The following SPATS2L variants were observed in gnomAD, a reference collection of about 807,000 sequenced individuals.
SPATS2L encodes spermatogenesis associated serine rich 2 like, also known as SPATS2-like protein.
A neutral mutation model predicts 59.6 loss-of-function variants in SPATS2L; 30 were observed. The ratio of observed to expected loss-of-function variants is 0.50; its 90% CI spans 0.38 to 0.68. The LOEUF (loss-of-function observed/expected upper bound fraction) is 0.68. Ranked by LOEUF, SPATS2L falls within the 30% of genes least tolerant of loss-of-function variation. SPATS2L has a pLI of 0.00. For synonymous variants in SPATS2L, 252 were observed against 263.5 expected (o/e 0.96, Z 0.42); for missense variants, 615 against 700.0 (o/e 0.88, Z 1.37).
chr2:200,360,631 G>C (rs921086894), intron 2 of SPATS2L, among the ~76,000 whole-genome samples: 1 of 152,178 alleles, frequency 6.6e-6, no homozygotes, highest in Non-Finnish European at 1.5e-5. Flanking sequence ...CTCCTCCTTG[G>C]GGGAGGGGAA....
chr2:200,389,131 G>A (rs547803974), intron 2 of SPATS2L, 92 bp from the exon 3 acceptor site: 49 of 737,814 alleles, frequency 6.6e-5, no homozygotes, highest in South Asian at 4.9e-4. Context: ...GATTATGACC[G>A]AATGAAGTTG....
chr2:200,440,513 A>G, intron 7 of SPATS2L, 136 bp from the exon 8 acceptor site: 1 of 842,484 alleles, frequency 1.2e-6, no homozygotes, highest in East Asian at 2.7e-5. Flanking sequence ...GGTTACAAAC[A>G]TTCTCCTGAT....
chr2:200,432,237 G>C (rs1226216639), intron 6 of SPATS2L, among the ~76,000 whole-genome samples: 1 of 152,216 alleles, frequency 6.6e-6, no homozygotes, highest in African/African-American at 2.4e-5. Context: ...CTGCAGCATA[G>C]AATACAGAGG....
At chr2:200,436,492 TA>T (rs1030034424) in intron 6 of SPATS2L, among the ~76,000 whole-genome samples, 8 of 152,002 alleles carry the variant, frequency 5.3e-5, no homozygotes, top group African/African-American at 1.7e-4. Flanking sequence ...TTTGAGGACC[TA>T]AAAAAAATCT....
intron 1 of SPATS2L, among the ~76,000 whole-genome samples, chr2:200,322,285 T>G (rs745752796): frequency 1.3e-5 from 2 of 152,238 alleles, no homozygotes; most frequent in Non-Finnish European, 2.9e-5. Flanking sequence ...TTGTACGGAC[T>G]AAGCCAGAAT....
chr2:200,424,934 T>C (rs2106029953), intron 6 of SPATS2L, among the ~76,000 whole-genome samples: 1 of 152,330 alleles, frequency 6.6e-6, no homozygotes, highest in African/African-American at 2.4e-5. Context: ...ATGCCATGCT[T>C]GCTGACCTTC....
chr2:200,445,233 A>G (rs2084954597), intron 8 of SPATS2L, among the ~76,000 whole-genome samples: 1 of 152,052 alleles, frequency 6.6e-6, no homozygotes, highest in Non-Finnish European at 1.5e-5. Flanking sequence ...GGATCACTGG[A>G]GTCTAGGAAG....
At chr2:200,316,559 C>T (rs993748128) in intron 1 of SPATS2L, among the ~76,000 whole-genome samples, 2 of 152,226 alleles carry the variant, frequency 1.3e-5, no homozygotes, top group Non-Finnish European at 2.9e-5. Context: ...ACCAACCATG[C>T]AGTTTGCCTT....
At position 200,459,761 on chromosome 2, in the gene SPATS2L, T is replaced by C; in HGVS notation, c.789-8T>C. On this transcript the variant is annotated splice_region_variant and splice_polypyrimidine_tract_variant and intron_variant, in intron 8 of 12. Coordinates refer to ENST00000409140, the MANE Select transcript of SPATS2L (RefSeq NM_001100423.2). ...TTTGCTTTTGTTTTTGTTTTTGTTT[T>C]TCCCCAGCATCATTGACAAAGAAGT... 1 of 1,609,658 alleles carries C rather than the reference T, an allele frequency of 6.2e-7. No homozygotes were observed. Among genetic ancestry groups the C allele is most frequent in the Non-Finnish European group, 8.5e-7 (1 of 1,177,858 alleles).
At chr2:200,359,976 A>G (rs538601683) in intron 2 of SPATS2L, among the ~76,000 whole-genome samples, 314 of 152,334 alleles carry the variant, frequency 2.1e-3, no homozygotes, top group Middle Eastern at 3.4e-3. Context: ...GGGTGTAAGA[A>G]TATATTGGAG....
intron 2 of SPATS2L, chr2:200,351,404 A>G (rs989144965): frequency 7.0e-6 from 3 of 431,584 alleles, no homozygotes; most frequent in African/African-American, 4.1e-5. Flanking sequence ...TGAAGTTGAG[A>G]TACTTTTCAA....
At chr2:200,415,736 G>A (rs2083032352) in intron 4 of SPATS2L, among the ~76,000 whole-genome samples, 1 of 152,064 alleles carries the variant, frequency 6.6e-6, no homozygotes. Flanking sequence ...CTCTGAGTCA[G>A]TGCAGTTCTA....
intron 4 of SPATS2L, 112 bp downstream of exon 4, chr2:200,412,531 T>C (rs2082913191): frequency 3.7e-6 from 2 of 533,614 alleles, no homozygotes; most frequent in Non-Finnish European, 6.3e-6. Context: ...ACTTTAGGTC[T>C]CATAGAAATG....
At chr2:200,401,925 C>G (rs1290458759) in intron 3 of SPATS2L, among the ~76,000 whole-genome samples, 3 of 152,182 alleles carry the variant, frequency 2.0e-5, no homozygotes, top group African/African-American at 7.2e-5. Flanking sequence ...ATGGATGTCT[C>G]ACAGGCTCCC....
At chr2:200,330,365 T>G (rs776642053) in intron 2 of SPATS2L, among the ~76,000 whole-genome samples, 2 of 152,220 alleles carry the variant, frequency 1.3e-5, no homozygotes, top group African/African-American at 4.8e-5. Flanking sequence ...ACTTTTGTGG[T>G]AAGATGATTG....
At position 200,403,881 on chromosome 2, in the gene SPATS2L, T is replaced by C. The variant is rs553853823; in HGVS notation, c.40-8430T>C. On this transcript the variant is annotated intron_variant, in intron 3 of 12. Transcript: ENST00000409140. ...ATTTCCATAAGGGCAGCTCTAAACC[T>C]TTCTCCACTTTTTAAGCCCCAAAGC... is the stretch of plus-strand genomic sequence containing the variant. Among the ~76,000 whole-genome samples the C allele has an allele frequency of 4.6e-5, 7 of 152,286 alleles. No individual in the cohort carries two copies. In the South Asian group the frequency reaches 1.5e-3, roughly 32 times the overall value.
rs1449589938 is a variant in SPATS2L at position 200,329,614 on chromosome 2, C to A, written c.-23+134C>A. ...CTCTGCTGCCTCTCAGGGCTCAACACCAGAGTTCTCTTTTAGAGTGTGTTG... is the reference window on the plus strand; with the variant it reads ...CTCTGCTGCCTCTCAGGGCTCAACAACAGAGTTCTCTTTTAGAGTGTGTTG... On this transcript the variant is annotated intron_variant, in intron 2 of 12. Coordinates refer to ENST00000409140, the MANE Select transcript of SPATS2L (RefSeq NM_001100423.2). 3 of 723,590 alleles carry A rather than the reference C, an allele frequency of 4.1e-6. No homozygotes were observed. In the Admixed American group the frequency reaches 7.4e-5, roughly 18 times the overall value. 44.8% of individuals were successfully genotyped at this position (723,590 alleles called of 1,614,324 possible). A position where few individuals can be genotyped will look rare whatever the true frequency, so the allele number is the denominator to read the frequency against.
intron 3 of SPATS2L, among the ~76,000 whole-genome samples, chr2:200,403,102 C>G (rs558837843): frequency 1.3e-5 from 2 of 152,186 alleles, no homozygotes; most frequent in African/African-American, 4.8e-5. Flanking sequence ...AGCAAGTAAC[C>G]TGCATTTGAC....
At chr2:200,329,952 G>T (rs2079880437) in intron 2 of SPATS2L, among the ~76,000 whole-genome samples, 1 of 152,180 alleles carries the variant, frequency 6.6e-6, no homozygotes, top group Admixed American at 6.5e-5. Context: ...GATTGCAGAA[G>T]TCTGACTTGG....
Sources: allele counts gnomAD v4.1 joint callset (sites outside exome capture counted in the v4.1 genomes callset), GRCh38; gene constraint gnomAD v4.1.1; transcripts MANE v1.5; gene names NCBI Gene and HGNC (gene_info 2026-07-23, HGNC 2026-07-21).